The following LYRM7 variants were observed in gnomAD, a reference collection of about 807,000 sequenced individuals.
LYRM7 encodes the protein complex III assembly factor LYRM7.
LYRM7 carries 9 observed loss-of-function variants against 15.8 expected under a neutral mutation model. That is an observed-to-expected ratio of 0.57 (90% CI 0.34 to 0.99). LYRM7 has a LOEUF of 0.99. Among genes scored for constraint, LYRM7 ranks in the 50% least tolerant of loss-of-function variants. The pLI, the probability that LYRM7 is intolerant of heterozygous loss-of-function variation, is 0.02. For missense variants in LYRM7, 115 were observed against 119.1 expected (o/e 0.97, Z 0.16); for synonymous variants, 39 against 39.4 (o/e 0.99, Z 0.04).
rs994767029 is a variant in LYRM7, at chr5:131,200,596, T to C, written c.*995T>C. 3.3e-5 allele frequency: 5 copies of C among 152,364 alleles called. No homozygotes were observed. The highest frequency in any genetic ancestry group is 7.3e-5 in the Non-Finnish European group (5 of 68,034). The allele number at this position is 152,364 out of a possible 1,614,324, so 9.4% of individuals were successfully genotyped here. On this transcript the variant is annotated 3_prime_UTR_variant, in exon 5 of 5. Coordinates refer to ENST00000379380, the MANE Select transcript of LYRM7 (RefSeq NM_181705.4). The stretch of plus-strand genomic sequence containing the variant: ...TTCACTGATAAATTCTCTCATTTGA[T>C]GATGATACAGGGTTTTTAATTTTTG...
At chr5:131,198,061 A>G (rs1755998352) in intron 4 of LYRM7, among the ~76,000 whole-genome samples, 1 of 152,018 alleles carries the variant, frequency 6.6e-6, no homozygotes, top group Admixed American at 6.6e-5. Flanking sequence ...TCTGAGAGTA[A>G]GTTGCAGACA....
At chr5:131,187,477 GTTTTTGT>G (rs1755815724) in intron 4 of LYRM7, among the ~76,000 whole-genome samples, 1 of 143,308 alleles carries the variant, frequency 7.0e-6, no homozygotes. Flanking sequence ...TTGTTTTTTT[GTTTTTGT>G]TTTTTTTTTG....
intron 1 of LYRM7, among the ~76,000 whole-genome samples, chr5:131,175,197 C>CTCTTT (rs1028125612): frequency 8.0e-6 from 1 of 125,660 alleles, no homozygotes; most frequent in African/African-American, 3.3e-5. Context: ...GCTTCAATCT[C>CTCTTT]TTTTTTTTTT....
intron 4 of LYRM7, among the ~76,000 whole-genome samples, chr5:131,192,737 G>C (rs952526037): frequency 6.6e-6 from 1 of 151,640 alleles, no homozygotes; most frequent in African/African-American, 2.4e-5. Context: ...ATTATCTCAG[G>C]TGCCTGAATT....
intron 4 of LYRM7, among the ~76,000 whole-genome samples, chr5:131,190,916 G>A (rs1455007296): frequency 2.6e-5 from 4 of 151,910 alleles, no homozygotes; most frequent in Non-Finnish European, 4.4e-5. Context: ...ATTTTATACA[G>A]GTAATCACAG....
intron 4 of LYRM7, among the ~76,000 whole-genome samples, chr5:131,197,686 T>C (rs966656120): frequency 6.6e-6 from 1 of 151,284 alleles, no homozygotes; most frequent in African/African-American, 2.4e-5. Flanking sequence ...GGAATACAGG[T>C]GTGCACCACC....
intron 1 of LYRM7, among the ~76,000 whole-genome samples, chr5:131,172,204 G>T (rs10059849): frequency 0.18 from 27,559 of 152,116 alleles, 6,332 homozygotes; most frequent in African/African-American, 0.54. Flanking sequence ...ACATGAGGTC[G>T]AGAGTTCGAG....
chr5:131,172,587 C>T (rs141865024), intron 1 of LYRM7, among the ~76,000 whole-genome samples: 16 of 152,094 alleles, frequency 1.1e-4, no homozygotes, highest in African/African-American at 3.9e-4. Flanking sequence ...AAGTAGGATT[C>T]ATTCCAAAAA....
chr5:131,184,828 G>A (rs1291478793), intron 3 of LYRM7, among the ~76,000 whole-genome samples: 1 of 151,946 alleles, frequency 6.6e-6, no homozygotes, highest in Non-Finnish European at 1.5e-5. Context: ...CCCTTCCCAG[G>A]TGTCAGGAGA....
chr5:131,199,438 T>G, intron 4 of LYRM7, 93 bp from the exon 5 acceptor site: 1 of 836,406 alleles, frequency 1.2e-6, no homozygotes, highest in South Asian at 2.0e-5. Context: ...ACTGGATATT[T>G]TACTATTTTA....
intron 1 of LYRM7, among the ~76,000 whole-genome samples, chr5:131,173,500 C>T (rs1191332152): frequency 6.6e-6 from 1 of 152,202 alleles, no homozygotes. Flanking sequence ...AATCCCAGCA[C>T]TTTGGGAGGC....
At chr5:131,181,207 C>T (rs1264236879) in intron 2 of LYRM7, among the ~76,000 whole-genome samples, 5 of 131,334 alleles carry the variant, frequency 3.8e-5, no homozygotes, top group Admixed American at 8.8e-5. Context: ...AACCCAGAGG[C>T]GGAGGTTGCA....
chr5:131,182,333 T>C (rs368070144), intron 3 of LYRM7, 34 bp downstream of exon 3: 320 of 1,322,714 alleles, frequency 2.4e-4, no homozygotes, highest in Non-Finnish European at 3.1e-4. Flanking sequence ...GTAAAACTTA[T>C]ACAATTATCT....
chr5:131,187,183 A>ATGCTGAG (rs1263384535), intron 4 of LYRM7, 74 bp downstream of exon 4: 1 of 811,782 alleles, frequency 1.2e-6, no homozygotes, highest in Non-Finnish European at 2.0e-6. Context: ...AGCACATGTA[A>ATGCTGAG]TGCTGAGTGA....
chr5:131,199,408 C>A, intron 4 of LYRM7, 123 bp from the exon 5 acceptor site: 2 of 589,986 alleles, frequency 3.4e-6, no homozygotes, highest in Non-Finnish European at 5.6e-6. Context: ...ATAAAATATC[C>A]CTGGAAGATT....
rs1361175271 is a variant in LYRM7, at chr5:131,190,546, A to C, written c.244+3437A>C. Reference sequence around the variant, plus strand: ...GCTCTCGTCACCTAGGCTGGTGTACAGTGGCATGATTTCCGCTCACTGCAA... The same window carrying C: ...GCTCTCGTCACCTAGGCTGGTGTACCGTGGCATGATTTCCGCTCACTGCAA... On this transcript the variant is annotated intron_variant, in intron 4 of 4. Coordinates refer to ENST00000379380, the MANE Select transcript of LYRM7 (RefSeq NM_181705.4). Among the ~76,000 whole-genome samples, 9 of 150,296 alleles carry C rather than the reference A, an allele frequency of 6.0e-5. No individual in the cohort carries two copies. The South Asian group carries it at 1.9e-3, about 32-fold the overall frequency.
Position 131,170,966 on chromosome 5 carries a change from T to A in LYRM7, c.-55T>A. 1 of 1,537,824 alleles carries A rather than the reference T, an allele frequency of 6.5e-7. No individual in the cohort carries two copies. The highest frequency in any genetic ancestry group is 1.3e-5 in the South Asian group (1 of 79,890). On this transcript the variant is annotated 5_prime_UTR_variant, in exon 1 of 5. Transcript: ENST00000379380. Reference sequence around the variant, plus strand: ...AACAGTTCAGTCTTTGATTGGTTGCTGAGAGGCGGGGCTACTCGACTGCTC... The same window carrying A: ...AACAGTTCAGTCTTTGATTGGTTGCAGAGAGGCGGGGCTACTCGACTGCTC...
In LYRM7 at chr5:131,182,296, A is replaced by G. The variant is rs1209521806; in HGVS notation, c.159A>G (p.Glu53=). The G allele has an allele frequency of 7.1e-7, 1 of 1,400,874 alleles. No individual in the cohort carries two copies. Among genetic ancestry groups the G allele is most frequent in the Non-Finnish European group, 9.6e-7 (1 of 1,037,764 alleles). The allele number at this position is 1,400,874 out of a possible 1,614,324, so 86.8% of individuals were successfully genotyped here. The change falls in exon 3 of 5, where the codon GAA becomes GAG. Residue 53 remains glutamate (E), a synonymous_variant. Transcript: ENST00000379380. ...NKSETSSKKI[E]ELMKIGSDVE... ...GTGAAACTTCTTCTAAGAAAATAGA[A>G]GAGGTACAGTAATTTTTTCAATTAT...
At chr5:131,195,434 G>A (rs1755948803) in intron 4 of LYRM7, among the ~76,000 whole-genome samples, 1 of 152,096 alleles carries the variant, frequency 6.6e-6, no homozygotes, top group African/African-American at 2.4e-5. Context: ...TTAGAGCCTT[G>A]GAGAGTTAAA....
Sources: allele counts gnomAD v4.1 joint callset (sites outside exome capture counted in the v4.1 genomes callset), GRCh38; gene constraint gnomAD v4.1.1; transcripts MANE v1.5; gene names NCBI Gene and HGNC (gene_info 2026-07-23, HGNC 2026-07-21).